Variants in EVC2 observed in about 807,000 individuals in gnomAD.
EVC2 encodes the protein EvC ciliary complex subunit 2, also known as limbin.
In EVC2, 148 loss-of-function variants were observed where a neutral mutation model predicts 149.3. The observed-to-expected ratio is 0.99, with a 90% CI of 0.87 to 1.14. EVC2 has a LOEUF of 1.14. Among genes scored for constraint, EVC2 ranks in the 50% most tolerant of loss-of-function variants. EVC2 has a pLI of 0.00. For missense variants in EVC2, 1,854 were observed against 1,627.3 expected (o/e 1.14, Z -2.40); for synonymous variants, 776 against 649.9 (o/e 1.19, Z -2.95).
At chr4:5,619,992 A>T (rs1352906658) in intron 14 of EVC2, among the ~76,000 whole-genome samples, 3 of 152,208 alleles carry the variant, frequency 2.0e-5, no homozygotes, top group Non-Finnish European at 4.4e-5. Context: ...TACCATACCC[A>T]GATCTCAGTG....
Position 5,562,525 on chromosome 4 carries a change from G to A in EVC2, c.*323C>T. On this transcript the variant is annotated 3_prime_UTR_variant, in exon 22 of 22. Transcript: ENST00000344408. This position sits in a 1 kb window ranked among gnomAD's most constrained non-coding sequence, Gnocchi z 4.3. Reference sequence around the variant, plus strand: ...ACAAAACATAAGAGTAGAGAATCTGGCTGTCACCACACAGACCATAGCTTC... The same window carrying A: ...ACAAAACATAAGAGTAGAGAATCTGACTGTCACCACACAGACCATAGCTTC... 8.3e-7 allele frequency: 1 copy of A among 1,209,216 alleles called. No homozygotes were observed. 74.9% of individuals were successfully genotyped at this position (1,209,216 alleles called of 1,614,324 possible). A position where few individuals can be genotyped will look rare whatever the true frequency, so the allele number is the denominator to read the frequency against.
At chr4:5,550,575 T>C (rs971604956) in intron 21 of EVC2, among the ~76,000 whole-genome samples, 3 of 152,158 alleles carry the variant, frequency 2.0e-5, no homozygotes, top group African/African-American at 4.8e-5. Context: ...AGCATAAAAG[T>C]TTGGAAAATT....
intron 9 of EVC2, among the ~76,000 whole-genome samples, chr4:5,650,225 A>G (rs908784342): frequency 4.0e-5 from 6 of 151,674 alleles, no homozygotes; most frequent in African/African-American, 1.2e-4. Flanking sequence ...CCCACTCCCT[A>G]CTCCACCCAC....
At chr4:5,605,908 C>A (rs766431210) in intron 16 of EVC2, among the ~76,000 whole-genome samples, 1 of 152,210 alleles carries the variant, frequency 6.6e-6, no homozygotes, top group Non-Finnish European at 1.5e-5. Context: ...TGGCATGAGA[C>A]CTTCCTGTGC....
intron 16 of EVC2, among the ~76,000 whole-genome samples, chr4:5,599,479 C>A (rs543648584): frequency 1.3e-5 from 2 of 152,004 alleles, no homozygotes; most frequent in South Asian, 2.1e-4. Context: ...GAACAAAAAA[C>A]CAAACACCGT....
intron 16 of EVC2, among the ~76,000 whole-genome samples, chr4:5,596,173 T>C (rs1713394499): frequency 6.6e-6 from 1 of 152,034 alleles, no homozygotes; most frequent in South Asian, 2.1e-4. Flanking sequence ...GACAGAAAGT[T>C]AACAAGGATA....
At chr4:5,596,739 TAG>T (rs1381527149) in intron 16 of EVC2, among the ~76,000 whole-genome samples, 3 of 151,680 alleles carry the variant, frequency 2.0e-5, no homozygotes, top group African/African-American at 7.3e-5. Context: ...CTGAAGGAAA[TAG>T]AGACACAAAA....
intron 5 of EVC2, among the ~76,000 whole-genome samples, chr4:5,688,371 A>G (rs1720864362): frequency 6.6e-6 from 1 of 152,176 alleles, no homozygotes; most frequent in Non-Finnish European, 1.5e-5. Context: ...ACAGGGAGCC[A>G]CACTGCCTGA....
At chr4:5,612,176 T>A (rs963123315) in intron 16 of EVC2, among the ~76,000 whole-genome samples, 6 of 152,230 alleles carry the variant, frequency 3.9e-5, no homozygotes, top group Non-Finnish European at 8.8e-5. Flanking sequence ...GTAGAAAATG[T>A]TGTAATCCTG....
At chr4:5,537,991 G>A (rs1444042244), downstream of EVC2, among the ~76,000 whole-genome samples, 1 of 150,592 alleles carries the variant, frequency 6.6e-6, no homozygotes. Context: ...AATCAATGAA[G>A]CTATAAGCTG....
At chr4:5,685,295 T>C in intron 6 of EVC2, 75 bp downstream of exon 6, 1 of 1,388,344 alleles carries the variant, frequency 7.2e-7, no homozygotes, top group Non-Finnish European at 1.0e-6. Context: ...AGGTCTTCTG[T>C]CTGAAGTGTC....
rs529109374 is a variant in EVC2 at position 5,654,303 on chromosome 4, G to A, written c.1145+8804C>T. 6.6e-5 allele frequency among the ~76,000 whole-genome samples: 10 copies of A among 152,308 alleles called. 2 individuals carry two copies. The highest frequency in any genetic ancestry group is 3.3e-4 in the Admixed American group (5 of 15,294). On this transcript the variant is annotated intron_variant, in intron 9 of 21. Transcript: ENST00000344408. ...GCCTGGAGTCAGCCCTGGAGTCCAG[G>A]AAAGGCCCTGCGGCAGAGATGGCAG...
chr4:5,598,767 C>T (rs967926058), intron 16 of EVC2, among the ~76,000 whole-genome samples: 35 of 152,038 alleles, frequency 2.3e-4, no homozygotes, highest in African/African-American at 3.4e-4. Context: ...GAAACTACCA[C>T]CAGAGTGAAC....
intron 7 of EVC2, among the ~76,000 whole-genome samples, chr4:5,674,802 G>C (rs1719886485): frequency 6.6e-6 from 1 of 152,152 alleles, no homozygotes; most frequent in Admixed American, 6.5e-5. Context: ...TTGCATTTTA[G>C]GGAAGACCAC....
chr4:5,586,473 C>T (rs1429040840), intron 16 of EVC2, among the ~76,000 whole-genome samples: 1 of 152,136 alleles, frequency 6.6e-6, no homozygotes, highest in Non-Finnish European at 1.5e-5. Context: ...ACCTGAAAAA[C>T]CAGTTCAGGC....
At chr4:5,674,449 T>C (rs1719863045) in intron 7 of EVC2, among the ~76,000 whole-genome samples, 2 of 152,146 alleles carry the variant, frequency 1.3e-5, no homozygotes, top group African/African-American at 4.8e-5. Context: ...TCAACAATTC[T>C]ATTCTGATGT....
chr4:5,688,820 A>G (rs1220954807), intron 5 of EVC2, among the ~76,000 whole-genome samples: 2 of 152,210 alleles, frequency 1.3e-5, no homozygotes, highest in Non-Finnish European at 2.9e-5. Context: ...TCTGAGTGAC[A>G]GGTATACTGG....
At chr4:5,701,853 C>A (rs1276137455) in intron 1 of EVC2, among the ~76,000 whole-genome samples, 1 of 152,138 alleles carries the variant, frequency 6.6e-6, no homozygotes, top group Non-Finnish European at 1.5e-5. Flanking sequence ...TCTCTCAACC[C>A]AGAACCAATC....
At chr4:5,529,236 C>T in the EVC2 span, among the ~76,000 whole-genome samples, 33 of 152,220 alleles carry the variant, frequency 2.2e-4, no homozygotes, top group African/African-American at 6.5e-4. The surrounding 1 kb of genome is among the most constrained non-coding windows in gnomAD (Gnocchi z 4.5). Flanking sequence ...TAGGAGGAAT[C>T]CCATATGGCT....
Sources: gnomAD v4.1 joint callset for allele counts (sites outside exome capture counted in the v4.1 genomes callset) on GRCh38, gnomAD v4.1.1 for gene constraint, Gnocchi (gnomAD v3.1) non-coding constraint, MANE v1.5 for transcripts, NCBI Gene and HGNC (gene_info 2026-07-23, HGNC 2026-07-21) for gene names.